The following SH3GL3 variants were observed in gnomAD, a reference collection of about 807,000 sequenced individuals.
SH3GL3 encodes the protein endophilin-A3.
Under a neutral mutation model 47.7 loss-of-function variants are expected in SH3GL3, and 33 were observed. The ratio of observed to expected loss-of-function variants is 0.69; its 90% CI spans 0.52 to 0.92. SH3GL3 has a LOEUF of 0.92. Ranked by LOEUF, SH3GL3 falls within the 40% of genes least tolerant of loss-of-function variation. The pLI, the probability that SH3GL3 is intolerant of heterozygous loss-of-function variation, is 0.00. For missense variants in SH3GL3, 363 were observed against 417.8 expected, an observed-to-expected ratio of 0.87 and a Z score of 1.14; for synonymous variants, 155 against 148.8, an observed-to-expected ratio of 1.04 and a Z score of -0.30.
chr15:83,585,980 A>T (rs531739356), intron 6 of SH3GL3, among the ~76,000 whole-genome samples: 1 of 152,356 alleles, frequency 6.6e-6, no homozygotes, highest in African/African-American at 2.4e-5. Context: ...TGCATAAATG[A>T]ATCAGCAGGC....
At chr15:83,545,887 C>G (rs2044368549) in intron 1 of SH3GL3, among the ~76,000 whole-genome samples, 1 of 152,166 alleles carries the variant, frequency 6.6e-6, no homozygotes, top group South Asian at 2.1e-4. Context: ...CAAATGCAAT[C>G]TCTCTCTCCA....
At chr15:83,561,116 A>G (rs1273735020) in intron 2 of SH3GL3, among the ~76,000 whole-genome samples, 1 of 152,172 alleles carries the variant, frequency 6.6e-6, no homozygotes, top group Non-Finnish European at 1.5e-5. Flanking sequence ...TTTGCATAAA[A>G]TATGATTAAT....
chr15:83,484,375 C>T (rs1380486556), intron 1 of SH3GL3, among the ~76,000 whole-genome samples: 1 of 152,162 alleles, frequency 6.6e-6, no homozygotes, highest in African/African-American at 2.4e-5. Flanking sequence ...TTTTTGCTTT[C>T]AGTCCTGTCT....
At chr15:83,521,675 G>T (rs570097625) in intron 1 of SH3GL3, among the ~76,000 whole-genome samples, 1 of 152,302 alleles carries the variant, frequency 6.6e-6, no homozygotes, top group African/African-American at 2.4e-5. Context: ...GGGGCTGAGA[G>T]ACAATAGGCA....
chr15:83,504,049 C>G (rs1002245203), intron 1 of SH3GL3, among the ~76,000 whole-genome samples: 4 of 152,072 alleles, frequency 2.6e-5, no homozygotes, highest in African/African-American at 9.7e-5. Context: ...TTACTGGTTT[C>G]TAAGAACTCT....
intron 1 of SH3GL3, among the ~76,000 whole-genome samples, chr15:83,554,102 C>T (rs1206434195): frequency 6.6e-6 from 1 of 150,880 alleles, no homozygotes; most frequent in Non-Finnish European, 1.5e-5. Flanking sequence ...TCATTGCAAC[C>T]TCTGCCTCCC....
At chr15:83,610,554 A>G (rs1239627635) in intron 8 of SH3GL3, among the ~76,000 whole-genome samples, 1 of 152,130 alleles carries the variant, frequency 6.6e-6, no homozygotes, top group Non-Finnish European at 1.5e-5. Flanking sequence ...AAAGGAAAAG[A>G]GAAAAGAAAG....
At chr15:83,591,172 T>G (rs1490408604) in intron 8 of SH3GL3, among the ~76,000 whole-genome samples, 2 of 152,118 alleles carry the variant, frequency 1.3e-5, no homozygotes. Flanking sequence ...AATGCCCAGC[T>G]AATTTTTGTA....
intron 1 of SH3GL3, among the ~76,000 whole-genome samples, chr15:83,495,976 A>G (rs1192849671): frequency 6.8e-6 from 1 of 146,780 alleles, no homozygotes; most frequent in Non-Finnish European, 1.5e-5. Context: ...CTTGTTAAAA[A>G]AAAAAGGAGC....
chr15:83,497,014 A>C (rs1460756192), intron 1 of SH3GL3, among the ~76,000 whole-genome samples: 1 of 151,810 alleles, frequency 6.6e-6, no homozygotes, highest in Non-Finnish European at 1.5e-5. Flanking sequence ...TATCTTTCCT[A>C]TGTCTTCTGC....
At chr15:83,518,537 C>A (rs1201796176) in intron 1 of SH3GL3, among the ~76,000 whole-genome samples, 2 of 152,136 alleles carry the variant, frequency 1.3e-5, no homozygotes, top group African/African-American at 4.8e-5. Flanking sequence ...TGTATGTCTT[C>A]TTTTGAAAAG....
chr15:83,556,378 A>T (rs1259707494), intron 1 of SH3GL3, among the ~76,000 whole-genome samples: 1 of 152,258 alleles, frequency 6.6e-6, no homozygotes, highest in Non-Finnish European at 1.5e-5. Context: ...GAAACGAATG[A>T]TCATGACTCT....
In SH3GL3 at chr15:83,565,133, G is replaced by GA; in HGVS notation, c.118dup (p.Ile40AsnfsTer6). On this transcript the variant is annotated frameshift_variant and splice_region_variant. Transcript: ENST00000427482. LOFTEE classifies it high-confidence loss of function. ...AACTTTTTTTAAATTTTGCTTTTAA[G>GA]AAAATAGATGTTACCAATAAAGTTG... 1.4e-6 allele frequency: 2 copies of GA among 1,452,674 alleles called. No homozygotes were observed. Among genetic ancestry groups the GA allele is most frequent in the East Asian group, 4.6e-5 (2 of 43,354 alleles). The allele number at this position is 1,452,674 out of a possible 1,614,324, so 90.0% of individuals were successfully genotyped here. A position where few individuals can be genotyped will look rare whatever the true frequency, so the allele number is the denominator to read the frequency against.
intron 8 of SH3GL3, among the ~76,000 whole-genome samples, chr15:83,589,659 G>A (rs951972349): frequency 4.6e-5 from 7 of 152,198 alleles, no homozygotes; most frequent in Admixed American, 4.6e-4. Flanking sequence ...TTATAGGCAT[G>A]AGCCACTGTA....
chr15:83,556,150 G>A (rs2044946499), intron 1 of SH3GL3, among the ~76,000 whole-genome samples: 1 of 150,224 alleles, frequency 6.7e-6, no homozygotes, highest in Non-Finnish European at 1.5e-5. Context: ...ACCTTGGAAG[G>A]AGGCCAGGTG....
chr15:83,579,894 T>A (rs2059788300), intron 6 of SH3GL3, among the ~76,000 whole-genome samples: 2 of 152,218 alleles, frequency 1.3e-5, no homozygotes, highest in African/African-American at 4.8e-5. Context: ...CATCCTCTCC[T>A]GTTGACCAGA....
intron 8 of SH3GL3, among the ~76,000 whole-genome samples, chr15:83,603,507 C>A (rs181288105): frequency 1.3e-5 from 2 of 152,176 alleles, no homozygotes; most frequent in Non-Finnish European, 2.9e-5. Context: ...CCTTTCGTTG[C>A]GTCTTTGCCA....
At chr15:83,528,177 TGGG>T (rs1239490506) in intron 1 of SH3GL3, among the ~76,000 whole-genome samples, 1 of 152,176 alleles carries the variant, frequency 6.6e-6, no homozygotes, top group African/African-American at 2.4e-5. Flanking sequence ...ATTAGTCTGA[TGGG>T]GGGCAGTTCC....
chr15:83,491,001 G>A, intron 1 of SH3GL3: 1 of 1,564,044 alleles, frequency 6.4e-7, no homozygotes, highest in South Asian at 1.2e-5. Flanking sequence ...AGAAGGTACA[G>A]ATCTTCATGG....
Sources: gnomAD v4.1 joint callset for allele counts (sites outside exome capture counted in the v4.1 genomes callset) on GRCh38, gnomAD v4.1.1 for gene constraint, MANE v1.5 for transcripts, NCBI Gene and HGNC (gene_info 2026-07-23, HGNC 2026-07-21) for gene names.